COL10A1: variants seen among roughly 807,000 people sequenced by gnomAD.
COL10A1 encodes collagen type X alpha 1 chain, also known as collagen alpha-1(X) chain.
COL10A1 carries 10 observed loss-of-function variants against 18.2 expected under a neutral mutation model. The observed-to-expected ratio is 0.55, with a 90% confidence interval of 0.34 to 0.93. COL10A1 has a LOEUF of 0.93. Among genes scored for constraint, COL10A1 ranks in the 40% least tolerant of loss-of-function variants. COL10A1 has a pLI of 0.02. For synonymous variants in COL10A1, 330 were observed against 316.6 expected (o/e 1.04, Z -0.45); for missense variants, 897 against 853.5 (o/e 1.05, Z -0.64).
chr6:116,178,088 T>TGTGTGTGC, the COL10A1 span, among the ~76,000 whole-genome samples: 374 of 99,620 alleles, frequency 3.8e-3, 2 homozygotes, highest in African/African-American at 0.017. Context: ...TGTGTGTGTG[T>TGTGTGTGC]GCGCGCGCGC....
intron 1 of COL10A1, among the ~76,000 whole-genome samples, chr6:116,147,429 G>A (rs552280220): frequency 3.3e-5 from 5 of 151,146 alleles, no homozygotes; most frequent in African/African-American, 7.3e-5. Flanking sequence ...GCAACAGAGC[G>A]AGACTACATC....
At chr6:116,163,141 A>AATATATATATATAT (rs1554197063), upstream of COL10A1, among the ~76,000 whole-genome samples, 6 of 88,392 alleles carry the variant, frequency 6.8e-5, no homozygotes, top group African/African-American at 2.9e-4. Context: ...AAAAAAAAAA[A>AATATATATATATAT]ATATATATAT....
intron 1 of COL10A1, among the ~76,000 whole-genome samples, chr6:116,140,122 T>A (rs1779728786): frequency 6.6e-6 from 1 of 152,182 alleles, no homozygotes; most frequent in South Asian, 2.1e-4. Context: ...AATGCCGCCC[T>A]CCTATGGACA....
At chr6:116,208,079 G>A in the COL10A1 span, among the ~76,000 whole-genome samples, 1 of 151,966 alleles carries the variant, frequency 6.6e-6, no homozygotes, top group Non-Finnish European at 1.5e-5. Context: ...GTGTGGGGCA[G>A]ATTTCCTTAA....
At chr6:116,176,034 A>T in the COL10A1 span, among the ~76,000 whole-genome samples, 29 of 152,160 alleles carry the variant, frequency 1.9e-4, no homozygotes, top group Non-Finnish European at 3.7e-4. Context: ...TTAGGCACTG[A>T]GGCAAACAGT....
At chr6:116,127,752 C>A (rs1779358280), upstream of COL10A1, among the ~76,000 whole-genome samples, 1 of 152,122 alleles carries the variant, frequency 6.6e-6, no homozygotes, top group African/African-American at 2.4e-5. Flanking sequence ...TACACATGCA[C>A]ACACATACTG....
chr6:116,199,018 TGCATTATATAATGTTTAGCAAG>T, the COL10A1 span, among the ~76,000 whole-genome samples: 1 of 152,038 alleles, frequency 6.6e-6, no homozygotes, highest in Non-Finnish European at 1.5e-5. Flanking sequence ...AGCTGTTCTG[TGCATTATATAATGTTTAGCAAG>T]ATCACTGGCC....
chr6:116,203,652 G>A, the COL10A1 span, among the ~76,000 whole-genome samples: 3 of 151,686 alleles, frequency 2.0e-5, no homozygotes, highest in South Asian at 6.3e-4. Context: ...AATTTAATTG[G>A]GGACTGTTAT....
At chr6:116,188,118 G>C in the COL10A1 span, among the ~76,000 whole-genome samples, 4 of 152,028 alleles carry the variant, frequency 2.6e-5, no homozygotes, top group Non-Finnish European at 5.9e-5. Context: ...ACAGTCATGA[G>C]AGTGCTAATT....
At chr6:116,207,974 A>C in the COL10A1 span, among the ~76,000 whole-genome samples, 3 of 151,954 alleles carry the variant, frequency 2.0e-5, no homozygotes, top group Admixed American at 6.6e-5. Flanking sequence ...CTGTTAGGCT[A>C]CCTACTACAG....
chr6:116,130,376 T>C (rs1426777674), upstream of COL10A1, among the ~76,000 whole-genome samples: 1 of 152,134 alleles, frequency 6.6e-6, no homozygotes, highest in African/African-American at 2.4e-5. Context: ...CAGAATTTTT[T>C]CCCCATTTTT....
chr6:116,124,553 A>G (rs1480859045), intron 2 of COL10A1, among the ~76,000 whole-genome samples: 3 of 152,224 alleles, frequency 2.0e-5, no homozygotes, highest in African/African-American at 4.8e-5. Flanking sequence ...AAAGTAGTAG[A>G]AATAAAACTA....
chr6:116,172,466 C>T, the COL10A1 span, among the ~76,000 whole-genome samples: 5 of 151,696 alleles, frequency 3.3e-5, no homozygotes, highest in Admixed American at 6.6e-5. Flanking sequence ...GGACTACAGG[C>T]GCACGCCACC....
chr6:116,124,064 TA>T (rs1562126562), intron 2 of COL10A1, among the ~76,000 whole-genome samples: 1 of 152,120 alleles, frequency 6.6e-6, no homozygotes, highest in African/African-American at 2.4e-5. Context: ...CTTTAAATTT[TA>T]AAATTTTTAT....
intron 1 of COL10A1, among the ~76,000 whole-genome samples, chr6:116,144,450 G>A (rs1053663169): frequency 6.8e-6 from 1 of 146,260 alleles, no homozygotes; most frequent in Non-Finnish European, 1.5e-5. Context: ...GCAGTGAGCT[G>A]ATGTTGTGCC....
intron 1 of COL10A1, among the ~76,000 whole-genome samples, chr6:116,135,660 A>ATT (rs559180467): frequency 4.0e-5 from 6 of 149,628 alleles, no homozygotes; most frequent in Non-Finnish European, 7.4e-5. Flanking sequence ...ACTAACAAAC[A>ATT]TTTTTTTTTC....
the COL10A1 span, among the ~76,000 whole-genome samples, chr6:116,172,683 C>T: frequency 6.6e-6 from 1 of 152,052 alleles, no homozygotes; most frequent in South Asian, 2.1e-4. Context: ...TAGCAGATAA[C>T]ATATATTATT....
At chr6:116,193,287 T>C in the COL10A1 span, among the ~76,000 whole-genome samples, 2 of 152,206 alleles carry the variant, frequency 1.3e-5, no homozygotes, top group South Asian at 4.1e-4. Context: ...GTGCTTTCCT[T>C]ATAGGAGTGC....
intron 1 of COL10A1, among the ~76,000 whole-genome samples, chr6:116,136,477 A>T (rs1582826395): frequency 6.7e-6 from 1 of 148,950 alleles, no homozygotes; most frequent in East Asian, 2.0e-4. Context: ...GGTTTTTTTT[A>T]AAAGAAGAAA....
Sources: allele counts gnomAD v4.1 joint callset (sites outside exome capture counted in the v4.1 genomes callset), GRCh38; gene constraint gnomAD v4.1.1; transcripts MANE v1.5; gene names NCBI Gene and HGNC (gene_info 2026-07-23, HGNC 2026-07-21).